Variants in MPP1 observed in about 807,000 individuals in gnomAD.
The protein encoded by MPP1 is 55 kDa erythrocyte membrane protein.
A neutral mutation model predicts 38.2 loss-of-function variants in MPP1; 6 were observed. The ratio of observed to expected loss-of-function variants is 0.16; its 90% CI spans 0.09 to 0.31. The LOEUF is 0.31. MPP1 is among the 10% of genes least tolerant of loss of function. The pLI is 1.00. For missense variants in MPP1, 293 were observed against 368.9 expected, an observed-to-expected ratio of 0.79 and a Z score of 1.69; for synonymous variants, 153 against 146.3, an observed-to-expected ratio of 1.05 and a Z score of -0.33.
At chrX:154,784,912 C>A in intron 7 of MPP1, 139 bp downstream of exon 7, 1 of 574,676 alleles carries the variant, frequency 1.7e-6, no homozygotes, top group Non-Finnish European at 2.9e-6. Flanking sequence ...TAAAAAGAAA[C>A]CAGAAGAAAT....
chrX:154,784,189 C>T, intron 7 of MPP1, 81 bp from the exon 8 acceptor site: 1 of 745,232 alleles, frequency 1.3e-6, no homozygotes, highest in Non-Finnish European at 2.0e-6. Context: ...GGGAAACAGC[C>T]TCGCGACATC....
intron 1 of MPP1, among the ~76,000 whole-genome samples, chrX:154,792,874 C>T (rs1557267896): frequency 1.8e-5 from 2 of 111,401 alleles, no homozygotes; most frequent in African/African-American, 6.5e-5. Flanking sequence ...GCGGTGATAA[C>T]AATAATACAT....
chrX:154,796,991 T>C (rs927894228), intron 1 of MPP1, among the ~76,000 whole-genome samples: 1 of 111,877 alleles, frequency 8.9e-6, no homozygotes, highest in South Asian at 3.7e-4. Context: ...AAGGCTGCAG[T>C]GAGCTATGAT....
chrX:154,804,121 A>G (rs1390319612), intron 1 of MPP1, among the ~76,000 whole-genome samples: 1 of 112,055 alleles, frequency 8.9e-6, no homozygotes, highest in Non-Finnish European at 1.9e-5. Flanking sequence ...AGCAGACACA[A>G]AATCTAGCCT....
chrX:154,805,249 T>A, intron 1 of MPP1, 23 bp downstream of exon 1: 1 of 1,179,240 alleles, frequency 8.5e-7, no homozygotes, highest in Non-Finnish European at 1.1e-6. Flanking sequence ...CCAGCGCCCT[T>A]GGGACTAGCG....
intron 1 of MPP1, among the ~76,000 whole-genome samples, chrX:154,801,787 C>CAAAAAA (rs782548268): frequency 6.0e-5 from 4 of 67,074 alleles, no homozygotes; most frequent in Admixed American, 2.3e-4. Flanking sequence ...AAAAAAAAAA[C>CAAAAAA]AAAAAACAGA....
chrX:154,802,058 C>T (rs1326901616), intron 1 of MPP1, among the ~76,000 whole-genome samples: 3 of 111,815 alleles, frequency 2.7e-5, no homozygotes, highest in East Asian at 2.8e-4. Context: ...TCATGCACAC[C>T]GTAGACTCAA....
At chrX:154,780,384 G>C (rs1280619638) in intron 11 of MPP1, among the ~76,000 whole-genome samples, 1 of 112,479 alleles carries the variant, frequency 8.9e-6, no homozygotes, top group Non-Finnish European at 1.9e-5. Flanking sequence ...TGAGCTAAGG[G>C]TATGACCAGA....
chrX:154,794,308 T>C (rs1398913278), intron 1 of MPP1, among the ~76,000 whole-genome samples: 2 of 111,820 alleles, frequency 1.8e-5, no homozygotes, highest in Non-Finnish European at 3.8e-5. Context: ...CTCTTCTCCT[T>C]AAAATGCTCC....
At chrX:154,783,987 A>C in intron 8 of MPP1, 41 bp downstream of exon 8, 2 of 1,161,225 alleles carry the variant, frequency 1.7e-6, no homozygotes, top group Non-Finnish European at 2.3e-6. Flanking sequence ...CAGGCAGGAA[A>C]ACAAAGACAG....
intron 5 of MPP1, among the ~76,000 whole-genome samples, chrX:154,788,561 G>A (rs2072106420): frequency 8.9e-6 from 1 of 111,999 alleles, no homozygotes; most frequent in African/African-American, 3.3e-5. Flanking sequence ...AGTTGGGGAT[G>A]TAACATGGTT....
intron 1 of MPP1, chrX:154,799,906 AAG>A: frequency 8.8e-7 from 1 of 1,140,032 alleles, no homozygotes. Flanking sequence ...GGAATTTAAA[AAG>A]AGATGAAAAA....
In MPP1 at chrX:154,786,279, T is replaced by A. The variant is rs781784092; in HGVS notation, c.602A>T (p.Asn201Ile). The A allele has an allele frequency of 8.3e-7, 1 of 1,212,043 alleles. No individual in the cohort carries two copies. Among genetic ancestry groups the A allele is most frequent in the African/African-American group, 1.7e-5 (1 of 57,867 alleles). ...GCCTTCCACCCGTCCCTGCCACCAA[T>A]TGCTGTCATCCTTGTTGATAATCTG... ...IIQIINKDDS[N>I]WWQGRVEGSS... The change falls in exon 6 of 12, where the codon AAT becomes ATT. Residue 201 changes from asparagine to isoleucine, a missense_variant. Physicochemically the swap from Asn to Ile is moderately radical, Grantham distance 149. Transcript: ENST00000369534.
intron 9 of MPP1, chrX:154,782,721 C>T: frequency 8.9e-6 from 1 of 112,603 alleles, no homozygotes. Flanking sequence ...TCACATGCAG[C>T]TGGTCGTTGA....
At chrX:154,791,605 T>A in intron 3 of MPP1, 164 bp downstream of exon 3, 1 of 444,345 alleles carries the variant, frequency 2.3e-6, no homozygotes. Context: ...TCTTATCATG[T>A]ACTGATTCTA....
intron 1 of MPP1, among the ~76,000 whole-genome samples, chrX:154,803,554 A>C (rs2072288480): frequency 8.9e-6 from 1 of 112,238 alleles, no homozygotes; most frequent in South Asian, 3.6e-4. Flanking sequence ...ATAGGTTTAC[A>C]TAAGAACCCC....
At chrX:154,783,392 T>C in intron 9 of MPP1, 35 bp downstream of exon 9, 2 of 1,073,508 alleles carry the variant, frequency 1.9e-6, no homozygotes, top group Non-Finnish European at 2.6e-6. Flanking sequence ...TACCAGCCTG[T>C]CACCTCCCCT....
chrX:154,793,514 T>G, intron 1 of MPP1, among the ~76,000 whole-genome samples: 1 of 112,139 alleles, frequency 8.9e-6, no homozygotes, highest in Non-Finnish European at 1.9e-5. Flanking sequence ...AGAAGGTGGA[T>G]AGATGGGCAG....
intron 3 of MPP1, 119 bp from the exon 4 acceptor site, chrX:154,791,187 G>T (rs2148532723): frequency 1.7e-6 from 1 of 604,776 alleles, no homozygotes; most frequent in South Asian, 2.8e-5. Context: ...GAAACAGATT[G>T]TGTCAAATAC....
Sources: allele counts gnomAD v4.1 joint callset (sites outside exome capture counted in the v4.1 genomes callset), GRCh38; gene constraint gnomAD v4.1.1; transcripts MANE v1.5; gene names NCBI Gene and HGNC (gene_info 2026-07-23, HGNC 2026-07-21).